NEK1: variants seen among roughly 807,000 people sequenced by gnomAD.
NEK1 encodes serine/threonine-protein kinase Nek1.
Under a neutral mutation model 182.1 loss-of-function variants are expected in NEK1, and 137 were observed. The observed-to-expected ratio is 0.75, with a 90% CI of 0.65 to 0.87. NEK1 has a LOEUF of 0.87. NEK1 is among the 40% of genes least tolerant of loss of function. NEK1 has a pLI of 0.00. For missense variants in NEK1, 1,391 were observed against 1,494.4 expected, an observed-to-expected ratio of 0.93 and a Z score of 1.14; for synonymous variants, 513 against 492.2, an observed-to-expected ratio of 1.04 and a Z score of -0.56.
At chr4:169,468,730 T>A (rs988211957) in intron 26 of NEK1, among the ~76,000 whole-genome samples, 14 of 152,346 alleles carry the variant, frequency 9.2e-5, no homozygotes, top group African/African-American at 3.4e-4. Flanking sequence ...AATTCGGCTG[T>A]GAATCTGTCT....
intron 10 of NEK1, among the ~76,000 whole-genome samples, chr4:169,582,517 G>T (rs1427619625): frequency 6.6e-6 from 1 of 152,162 alleles, no homozygotes; most frequent in East Asian, 1.9e-4. Context: ...GCAACCATGT[G>T]AACGTGTGTT....
intron 23 of NEK1, chr4:169,506,824 T>C (rs1753333415): frequency 3.6e-6 from 1 of 275,384 alleles, no homozygotes; most frequent in African/African-American, 2.3e-5. Context: ...TTCAAATCAA[T>C]CTCCCAAATA....
At chr4:169,446,756 C>T (rs60567842) in intron 27 of NEK1, among the ~76,000 whole-genome samples, 29,603 of 151,860 alleles carry the variant, frequency 0.19, 4,342 homozygotes, top group African/African-American at 0.42. Flanking sequence ...CTGAGAAATG[C>T]AACTGGCATA....
chr4:169,406,767 A>G lies in NEK1; in HGVS notation c.3223-20T>C. 3 of 1,553,010 alleles carry G rather than the reference A, an allele frequency of 1.9e-6. No individual in the cohort carries two copies. The highest frequency in any genetic ancestry group is 2.6e-6 in the Non-Finnish European group (3 of 1,150,086). On this transcript the variant is annotated intron_variant, in intron 31 of 35. Coordinates refer to ENST00000507142, the MANE Select transcript of NEK1 (RefSeq NM_001199397.3). ...TAACATCTAAAATAAAAATCAACAA[A>G]TTTCTTATTAGGAGAAAGATAATTA... is the stretch of plus-strand genomic sequence containing the variant.
intron 5 of NEK1, among the ~76,000 whole-genome samples, chr4:169,595,414 T>C (rs1289836625): frequency 6.6e-6 from 1 of 152,212 alleles, no homozygotes; most frequent in Non-Finnish European, 1.5e-5. Flanking sequence ...ATATTTGATC[T>C]TAATAATTTA....
intron 35 of NEK1, 142 bp from the exon 36 acceptor site, chr4:169,394,665 CT>C: frequency 2.0e-6 from 1 of 495,326 alleles, no homozygotes; most frequent in Non-Finnish European, 3.5e-6. Context: ...TCACACATTC[CT>C]TGTAAAATAT....
intron 23 of NEK1, among the ~76,000 whole-genome samples, chr4:169,480,208 G>T (rs1747724105): frequency 1.3e-5 from 2 of 152,006 alleles, no homozygotes; most frequent in Non-Finnish European, 2.9e-5. Context: ...GACTTTCTGG[G>T]GAGTATACAT....
chr4:169,403,008 C>T (rs1168799976), intron 32 of NEK1, among the ~76,000 whole-genome samples: 4 of 152,076 alleles, frequency 2.6e-5, no homozygotes, highest in African/African-American at 9.7e-5. Flanking sequence ...TAATTAAGGC[C>T]TTTCTAAAAG....
At chr4:169,421,294 T>C (rs1579463884) in intron 31 of NEK1, among the ~76,000 whole-genome samples, 1 of 152,182 alleles carries the variant, frequency 6.6e-6, no homozygotes, top group Admixed American at 6.5e-5. Context: ...CATAAACTTA[T>C]CAATTCATCC....
chr4:169,590,699 G>A, intron 6 of NEK1, 27 bp downstream of exon 6: 5 of 1,503,984 alleles, frequency 3.3e-6, no homozygotes, highest in Non-Finnish European at 4.5e-6. Flanking sequence ...TATCCATTCA[G>A]AAGTTATCAG....
intron 27 of NEK1, among the ~76,000 whole-genome samples, chr4:169,452,012 G>A (rs1349037518): frequency 6.6e-6 from 1 of 152,164 alleles, no homozygotes; most frequent in East Asian, 1.9e-4. Context: ...ACACCTCTAT[G>A]CAGATAAACT....
intron 29 of NEK1, among the ~76,000 whole-genome samples, chr4:169,430,383 C>T (rs987802986): frequency 1.2e-4 from 18 of 152,104 alleles, no homozygotes; most frequent in Non-Finnish European, 2.2e-4. Flanking sequence ...CAGGGTTTCG[C>T]CATGTTGGCC....
chr4:169,469,658 A>C (rs980881692), intron 26 of NEK1, among the ~76,000 whole-genome samples: 2 of 152,156 alleles, frequency 1.3e-5, no homozygotes, highest in African/African-American at 4.8e-5. Context: ...AGCTGAGTTC[A>C]AGTCCTGAAT....
intron 16 of NEK1, among the ~76,000 whole-genome samples, chr4:169,560,434 C>T (rs1286457198): frequency 2.6e-5 from 4 of 152,096 alleles, no homozygotes; most frequent in Admixed American, 6.5e-5. Context: ...ATTTCTTTTC[C>T]CCTTCCAGTC....
intron 35 of NEK1, among the ~76,000 whole-genome samples, chr4:169,395,180 A>T (rs1280777522): frequency 2.6e-5 from 4 of 152,182 alleles, no homozygotes; most frequent in Non-Finnish European, 5.9e-5. Flanking sequence ...TGCAAGCACT[A>T]TCTTCCACAT....
intron 27 of NEK1, among the ~76,000 whole-genome samples, chr4:169,454,091 A>T (rs1229446317): frequency 6.6e-6 from 1 of 152,228 alleles, no homozygotes; most frequent in Non-Finnish European, 1.5e-5. Context: ...AGGATTCCCT[A>T]TTTAATAAAT....
At chr4:169,445,603 T>C (rs945764957) in intron 27 of NEK1, among the ~76,000 whole-genome samples, 4 of 151,774 alleles carry the variant, frequency 2.6e-5, no homozygotes, top group Non-Finnish European at 5.9e-5. Flanking sequence ...TTCTCACTTA[T>C]AAGTGGAACC....
intron 23 of NEK1, among the ~76,000 whole-genome samples, chr4:169,498,566 T>C (rs1230137668): frequency 1.3e-5 from 2 of 152,240 alleles, no homozygotes; most frequent in African/African-American, 4.8e-5. Context: ...CCATGTTTAG[T>C]GCTTCCTTCT....
rs1159752485 is a variant in NEK1 at position 169,400,354 on chromosome 4, T to C, written c.3718A>G (p.Ile1240Val). 3.3e-6 allele frequency: 5 copies of C among 1,507,838 alleles called. No individual in the cohort carries two copies. Among genetic ancestry groups the C allele is most frequent in the East Asian group, 2.5e-5 (1 of 40,538 alleles). 93.4% of individuals were successfully genotyped at this position (1,507,838 alleles called of 1,614,324 possible). The change falls in exon 35 of 36, where the codon ATT becomes GTT. Residue 1240 changes from isoleucine to valine, a missense_variant. Ile to Val is a conservative substitution (Grantham distance 29, BLOSUM62 3). Coordinates refer to ENST00000507142, the MANE Select transcript of NEK1 (RefSeq NM_001199397.3). ...ATATTTTCATCTTCATCTTCATGAA[T>C]AGCCTATACCAAATTCCCAAATATA... ...FFEVYEKIKA[I>V]HEDEDENIEI...
Sources: gnomAD v4.1 joint callset for allele counts (sites outside exome capture counted in the v4.1 genomes callset) on GRCh38, gnomAD v4.1.1 for gene constraint, MANE v1.5 for transcripts, NCBI Gene and HGNC (gene_info 2026-07-23, HGNC 2026-07-21) for gene names.